Variants in MERTK observed in about 807,000 individuals in gnomAD.
The protein encoded by MERTK is MER proto-oncogene, tyrosine kinase.
MERTK carries 69 observed loss-of-function variants against 99.3 expected under a neutral mutation model. That is an observed-to-expected ratio of 0.70 (90% CI 0.57 to 0.85). The LOEUF (loss-of-function observed/expected upper bound fraction) is 0.85. Among genes scored for constraint, MERTK ranks in the 40% least tolerant of loss-of-function variants. The probability of loss-of-function intolerance (pLI) is 0.00; values close to 1 mark genes in which losing one functional copy is unlikely to be tolerated. For missense variants in MERTK, 1,125 were observed against 1,249.4 expected, an observed-to-expected ratio of 0.90 and a Z score of 1.50; for synonymous variants, 426 against 467.6, an observed-to-expected ratio of 0.91 and a Z score of 1.15.
At chr2:111,919,799 C>CTTTTTTTTTT (rs5833425) in intron 1 of MERTK, among the ~76,000 whole-genome samples, 1 of 130,420 alleles carries the variant, frequency 7.7e-6, no homozygotes, top group Non-Finnish European at 1.6e-5. Context: ...TTTTTCTTTT[C>CTTTTTTTTTT]TTTTTTTTTT....
chr2:111,917,432 A>C (rs950845362), intron 1 of MERTK, among the ~76,000 whole-genome samples: 5 of 152,074 alleles, frequency 3.3e-5, no homozygotes, highest in Non-Finnish European at 5.9e-5. Context: ...ATTGTCTAAA[A>C]GTTTTCTGTC....
intron 1 of MERTK, among the ~76,000 whole-genome samples, chr2:111,913,758 A>G (rs2104669064): frequency 6.6e-6 from 1 of 152,316 alleles, no homozygotes; most frequent in East Asian, 1.9e-4. Context: ...CATTTTGGCC[A>G]GGCTGGTGTT....
At chr2:111,900,024 C>G (rs1341271787) in intron 1 of MERTK, among the ~76,000 whole-genome samples, 1 of 151,602 alleles carries the variant, frequency 6.6e-6, no homozygotes, top group Non-Finnish European at 1.5e-5. Flanking sequence ...TAAACACATT[C>G]CAAGTATTTT....
chr2:112,005,606 A>C (rs752164034), intron 13 of MERTK, among the ~76,000 whole-genome samples: 2 of 152,156 alleles, frequency 1.3e-5, no homozygotes, highest in African/African-American at 4.8e-5. Flanking sequence ...GGCATGGCCT[A>C]TCACTGGGGA....
chr2:111,961,156 C>CTTTTTTTT (rs1052197732), intron 4 of MERTK, among the ~76,000 whole-genome samples: 7 of 98,080 alleles, frequency 7.1e-5, no homozygotes, highest in Non-Finnish European at 8.1e-5. Context: ...AATTTTCTTT[C>CTTTTTTTT]TTTTTTTTTT....
intron 7 of MERTK, among the ~76,000 whole-genome samples, chr2:111,976,530 GT>G (rs1270295114): frequency 1.5e-4 from 11 of 75,034 alleles, no homozygotes; most frequent in South Asian, 9.9e-4. Context: ...ACCTGTGTGT[GT>G]GTGTGTGTGT....
rs139767294 is a variant in MERTK, at chr2:111,906,412, A to G, written c.61+7616A>G. ...TAGGGCCTTGTGGTTAGAGCTACCA[A>G]TAGTAGATTGGCTTCATTATGGTTT... On this transcript the variant is annotated intron_variant, in intron 1 of 18. Transcript: ENST00000295408. Among the ~76,000 whole-genome samples the G allele has an allele frequency of 3.2e-3, 489 of 152,362 alleles. 2 individuals carry two copies. Among genetic ancestry groups the G allele is most frequent in the African/African-American group, 0.011 (469 of 41,594 alleles).
At chr2:111,917,855 A>C (rs181636073) in intron 1 of MERTK, among the ~76,000 whole-genome samples, 1 of 151,020 alleles carries the variant, frequency 6.6e-6, no homozygotes, top group African/African-American at 2.4e-5. Context: ...ACTACACTCC[A>C]GCCTGGTGAC....
chr2:111,932,283 G>A (rs1257846660), intron 2 of MERTK, among the ~76,000 whole-genome samples: 1 of 152,172 alleles, frequency 6.6e-6, no homozygotes, highest in African/African-American at 2.4e-5. Flanking sequence ...CCAGGTTCAT[G>A]CCATTCTCCT....
chr2:111,938,456 ACT>A (rs566233880), intron 2 of MERTK, among the ~76,000 whole-genome samples: 77 of 152,176 alleles, frequency 5.1e-4, no homozygotes, highest in African/African-American at 1.8e-3. Flanking sequence ...TTTTAAAAAG[ACT>A]CTAGAGCATA....
intron 4 of MERTK, among the ~76,000 whole-genome samples, chr2:111,960,314 C>G (rs1448605038): frequency 6.6e-6 from 1 of 151,858 alleles, no homozygotes; most frequent in Non-Finnish European, 1.5e-5. Flanking sequence ...AACCCTGTCT[C>G]CATTAAAAAT....
chr2:111,920,007 GCCCCA>G (rs555086105), intron 1 of MERTK, among the ~76,000 whole-genome samples: 12 of 151,998 alleles, frequency 7.9e-5, no homozygotes, highest in Non-Finnish European at 1.5e-4. Context: ...GCTGCTCTAA[GCCCCA>G]AGAAGCAGCC....
chr2:111,921,129 TG>T (rs1048365178), intron 1 of MERTK, among the ~76,000 whole-genome samples: 8 of 152,150 alleles, frequency 5.3e-5, no homozygotes, highest in Non-Finnish European at 1.0e-4. Context: ...AATATCAGCC[TG>T]GTGTGTGCAC....
chr2:111,965,187 C>G lies in MERTK; in HGVS notation c.758-4C>G. On this transcript the variant is annotated splice_polypyrimidine_tract_variant and splice_region_variant and intron_variant, in intron 4 of 18. Transcript: ENST00000295408. ...CTGGTCTCATGAGTCTCCTTCCATTCCAGGCCTGACGGAGATGGCGGTCTT... is the reference window on the plus strand; with the variant it reads ...CTGGTCTCATGAGTCTCCTTCCATTGCAGGCCTGACGGAGATGGCGGTCTT... 6.2e-7 allele frequency: 1 copy of G among 1,614,080 alleles called. No homozygotes were observed. The highest frequency in any genetic ancestry group is 8.5e-7 in the Non-Finnish European group (1 of 1,179,926).
Position 111,994,404 on chromosome 2 carries a change from G to C in MERTK, c.1450G>C (p.Gly484Arg). The change falls in exon 9 of 19, where the codon GGT (glycine) becomes CGT (arginine). Residue 484 changes from glycine to arginine, a missense_variant and splice_region_variant. Physicochemically the swap from Gly to Arg is moderately radical, Grantham distance 125. Coordinates refer to ENST00000295408, the MANE Select transcript of MERTK (RefSeq NM_006343.3). ...DPVKIFIPAH[G>R]WVDYAPSSTP... The stretch of plus-strand genomic sequence containing the variant: ...AGTGAAAATATTTATCCCTGCACAC[G>C]GTGAGAGCTATACCCAGTAAGGGCT... 1 of 1,614,056 alleles carries C rather than the reference G, an allele frequency of 6.2e-7. No homozygotes were observed. Among genetic ancestry groups the C allele is most frequent in the Non-Finnish European group, 8.5e-7 (1 of 1,179,982 alleles).
Position 111,994,267 on chromosome 2 carries a change from A to C in MERTK, c.1313A>C (p.Glu438Ala), listed in dbSNP as rs1438363133. Reference sequence around the variant, plus strand: ...TGTCTCCAGAAAGAGCTCTTGGAGGAAGTTGGCCAGAATGGCAGCCGAGCT... The same window carrying C: ...TGTCTCCAGAAAGAGCTCTTGGAGGCAGTTGGCCAGAATGGCAGCCGAGCT... ...SAGISKELLEEVGQNGSRARI... is the reference protein window; with the variant it reads ...SAGISKELLEAVGQNGSRARI... The change falls in exon 9 of 19, where the codon GAA becomes GCA. Residue 438 changes from glutamate to alanine, a missense_variant. Coordinates refer to ENST00000295408, the MANE Select transcript of MERTK (RefSeq NM_006343.3). 3 of 1,613,992 alleles carry C rather than the reference A, an allele frequency of 1.9e-6. No homozygotes were observed. The East Asian group carries it at 6.7e-5, about 36-fold the overall frequency.
At chr2:111,944,717 C>T (rs1019121302) in intron 2 of MERTK, among the ~76,000 whole-genome samples, 3 of 152,114 alleles carry the variant, frequency 2.0e-5, no homozygotes, top group Non-Finnish European at 4.4e-5. Flanking sequence ...CTGCCCCCAT[C>T]ATGAAGAGTA....
intron 6 of MERTK, among the ~76,000 whole-genome samples, chr2:111,970,767 CCTCCCTCCT>C (rs1676095522): frequency 1.6e-5 from 1 of 63,862 alleles, no homozygotes; most frequent in Non-Finnish European, 3.3e-5. Flanking sequence ...TCCTCCTCCT[CCTCCCTCCT>C]CCTCCTCCTC....
chr2:111,961,335 G>GT (rs1685247214), intron 4 of MERTK, among the ~76,000 whole-genome samples: 1 of 151,318 alleles, frequency 6.6e-6, no homozygotes, highest in African/African-American at 2.4e-5. Flanking sequence ...TAATTTTTTT[G>GT]TATTTTTAGT....
Sources: gnomAD v4.1 joint callset for allele counts (sites outside exome capture counted in the v4.1 genomes callset) on GRCh38, gnomAD v4.1.1 for gene constraint, MANE v1.5 for transcripts, NCBI Gene and HGNC (gene_info 2026-07-23, HGNC 2026-07-21) for gene names.